BICD1: variants seen among roughly 807,000 people sequenced by gnomAD.
BICD1 encodes BICD cargo adaptor 1, also known as protein bicaudal D homolog 1.
Under a neutral mutation model 92.5 loss-of-function variants are expected in BICD1, and 35 were observed. The ratio of observed to expected loss-of-function variants is 0.38; its 90% confidence interval spans 0.29 to 0.50. The LOEUF (loss-of-function observed/expected upper bound fraction) is 0.50. Ranked by LOEUF, BICD1 falls within the 20% of genes least tolerant of loss-of-function variation. The probability of loss-of-function intolerance (pLI) is 0.93; values close to 1 mark genes in which losing one functional copy is unlikely to be tolerated. For synonymous variants in BICD1, 429 were observed against 465.1 expected (o/e 0.92, Z 1.00); for missense variants, 950 against 1,189.8 (o/e 0.80, Z 2.97).
intron 4 of BICD1, among the ~76,000 whole-genome samples, chr12:32,319,680 C>T (rs1021772931): frequency 6.6e-6 from 1 of 151,912 alleles, no homozygotes; most frequent in African/African-American, 2.4e-5. Flanking sequence ...CAGGTTCAAG[C>T]AATTCTCCTG....
At chr12:32,159,387 G>A (rs1334623041) in intron 1 of BICD1, among the ~76,000 whole-genome samples, 1 of 152,160 alleles carries the variant, frequency 6.6e-6, no homozygotes, top group Non-Finnish European at 1.5e-5. Context: ...CATGAGGGAT[G>A]GAAGAGAGAA....
rs1337166101 is a variant in BICD1 at position 32,375,141 on chromosome 12, G to A, written c.2841-2399G>A. Among the ~76,000 whole-genome samples the A allele has an allele frequency of 2.0e-5, 3 of 149,568 alleles. No homozygotes were observed. In the East Asian group the frequency reaches 6.1e-4, roughly 31 times the overall value. Reference sequence around the variant, plus strand: ...GGGGTTTCACCATGTTGGCCAGGATGGTCTCTATCTCCTGAGCTCATGATC... The same window carrying A: ...GGGGTTTCACCATGTTGGCCAGGATAGTCTCTATCTCCTGAGCTCATGATC... On this transcript the variant is annotated intron_variant, in intron 9 of 9. Transcript: ENST00000652176.
At chr12:32,206,149 C>T (rs1945050544) in intron 1 of BICD1, among the ~76,000 whole-genome samples, 1 of 152,158 alleles carries the variant, frequency 6.6e-6, no homozygotes, top group Non-Finnish European at 1.5e-5. Context: ...CTGCTATGAA[C>T]ATTTGTGTGT....
chr12:32,305,663 G>A lies in BICD1; in HGVS notation c.580-34G>A, dbSNP rs1483220534. The stretch of plus-strand genomic sequence containing the variant: ...GCAGTTTTGTAAGATCCACATTTTA[G>A]TTTTATGAATCTTCTTTATCCTGTC... On this transcript the variant is annotated intron_variant, in intron 3 of 9. Transcript: ENST00000652176. The A allele has an allele frequency of 3.2e-6, 5 of 1,543,638 alleles. No individual in the cohort carries two copies. In the African/African-American group the frequency reaches 4.1e-5, roughly 13 times the overall value.
At chr12:32,296,246 GTT>G (rs373702037) in intron 3 of BICD1, among the ~76,000 whole-genome samples, 2 of 108,610 alleles carry the variant, frequency 1.8e-5, no homozygotes, top group African/African-American at 6.9e-5. Flanking sequence ...ATAAGAAGGG[GTT>G]TTTTTTTGTT....
chr12:32,307,007 C>A (rs1243258231), intron 4 of BICD1, among the ~76,000 whole-genome samples: 1 of 150,234 alleles, frequency 6.7e-6, no homozygotes, highest in African/African-American at 2.5e-5. Context: ...AAGAGTGAAA[C>A]GTCATCTCAA....
intron 4 of BICD1, 142 bp downstream of exon 4, chr12:32,306,264 G>C: frequency 9.9e-7 from 1 of 1,013,962 alleles, no homozygotes; most frequent in African/African-American, 1.6e-5. Flanking sequence ...TTCTTTTCGA[G>C]ACAGAGTCTT....
At chr12:32,374,133 G>A (rs1939840553) in intron 9 of BICD1, among the ~76,000 whole-genome samples, 1 of 151,268 alleles carries the variant, frequency 6.6e-6, no homozygotes, top group Non-Finnish European at 1.5e-5. Context: ...AGAATTGCTT[G>A]AACCTGGGAG....
chr12:32,279,364 G>T (rs1947358413), intron 2 of BICD1, among the ~76,000 whole-genome samples: 1 of 152,148 alleles, frequency 6.6e-6, no homozygotes, highest in East Asian at 1.9e-4. Context: ...TTAAATGAGA[G>T]AATTGTAAAT....
chr12:32,322,523 G>A (rs1449606629), intron 4 of BICD1, among the ~76,000 whole-genome samples: 2 of 152,170 alleles, frequency 1.3e-5, no homozygotes, highest in African/African-American at 4.8e-5. Context: ...AGGAGGCAGA[G>A]CTCAGGCGGT....
intron 1 of BICD1, among the ~76,000 whole-genome samples, chr12:32,124,625 C>T (rs746595477): frequency 5.3e-5 from 8 of 152,076 alleles, no homozygotes; most frequent in Non-Finnish European, 8.8e-5. Flanking sequence ...GGGTAGCAAA[C>T]TCAGCTTGAA....
Position 32,216,451 on chromosome 12 carries a change from C to A in BICD1, c.418C>A (p.Leu140Met), listed in dbSNP as rs1332154103. ...NERLTAVVQDLKENNEMVELQ... is the reference protein window; with the variant it reads ...NERLTAVVQDMKENNEMVELQ... ...GAGGCTCACCGCAGTCGTGCAGGAT[C>A]TGAAGGAGGTAAATAAACAAATTCC... The change falls in exon 2 of 10, where the codon CTG becomes ATG. Residue 140 changes from leucine (L) to methionine (M), a missense_variant. Coordinates refer to ENST00000652176, the MANE Select transcript of BICD1 (RefSeq NM_001714.4). 3.7e-6 allele frequency: 6 copies of A among 1,613,846 alleles called. No individual in the cohort carries two copies. The highest frequency in any genetic ancestry group is 5.1e-6 in the Non-Finnish European group (6 of 1,179,970).
chr12:32,375,390 C>T (rs562253827), intron 9 of BICD1, among the ~76,000 whole-genome samples: 2 of 152,020 alleles, frequency 1.3e-5, no homozygotes, highest in Admixed American at 6.6e-5. Context: ...ATTAGCCGGA[C>T]GCGGTGGTGG....
At chr12:32,253,027 T>C (rs1946608571) in intron 2 of BICD1, among the ~76,000 whole-genome samples, 1 of 151,878 alleles carries the variant, frequency 6.6e-6, no homozygotes, top group African/African-American at 2.4e-5. Flanking sequence ...GGACTACAGG[T>C]GCACACCACC....
At chr12:32,215,123 G>A (rs1428271239) in intron 1 of BICD1, among the ~76,000 whole-genome samples, 2 of 152,148 alleles carry the variant, frequency 1.3e-5, no homozygotes, top group Non-Finnish European at 2.9e-5. Flanking sequence ...CAGCTACATG[G>A]GAGGCTGAAG....
intron 1 of BICD1, among the ~76,000 whole-genome samples, chr12:32,130,765 G>A (rs988727198): frequency 6.6e-6 from 1 of 152,022 alleles, no homozygotes; most frequent in Non-Finnish European, 1.5e-5. Flanking sequence ...AAAAGTAATC[G>A]AAGTATGCTC....
At chr12:32,233,246 CAGG>C (rs1945948331) in intron 2 of BICD1, among the ~76,000 whole-genome samples, 1 of 146,918 alleles carries the variant, frequency 6.8e-6, no homozygotes, top group Non-Finnish European at 1.5e-5. Context: ...CGCTTGAACC[CAGG>C]AGGAGGAGGT....
At chr12:32,296,407 A>G (rs1355862048) in intron 3 of BICD1, among the ~76,000 whole-genome samples, 3 of 151,746 alleles carry the variant, frequency 2.0e-5, no homozygotes, top group African/African-American at 7.3e-5. Flanking sequence ...ACATGCATGT[A>G]TCACCACGCC....
At chr12:32,147,383 G>A (rs549832561) in intron 1 of BICD1, among the ~76,000 whole-genome samples, 4 of 152,274 alleles carry the variant, frequency 2.6e-5, no homozygotes, top group South Asian at 2.1e-4. Context: ...CTGAAAGGTC[G>A]TTCAGGTGGC....
Sources: allele counts gnomAD v4.1 joint callset (sites outside exome capture counted in the v4.1 genomes callset), GRCh38; gene constraint gnomAD v4.1.1; transcripts MANE v1.5; gene names NCBI Gene and HGNC (gene_info 2026-07-23, HGNC 2026-07-21).